The following PCDHA4 variants were observed in gnomAD, a reference collection of about 807,000 sequenced individuals.
PCDHA4 encodes the protein protocadherin alpha-4.
A neutral mutation model predicts 61.4 loss-of-function variants in PCDHA4; 49 were observed. That is an observed-to-expected ratio of 0.80 (90% CI 0.63 to 1.01). The LOEUF is 1.01. Among genes scored for constraint, PCDHA4 ranks in the 50% least tolerant of loss-of-function variants. The pLI is 0.00. For missense variants in PCDHA4, 1,254 were observed against 1,235.8 expected, an observed-to-expected ratio of 1.01 and a Z score of -0.22; for synonymous variants, 590 against 550.3, an observed-to-expected ratio of 1.07 and a Z score of -1.01.
intron 1 of PCDHA4, among the ~76,000 whole-genome samples, chr5:140,947,996 T>G (rs185303145): frequency 1.1e-4 from 14 of 126,854 alleles, no homozygotes; most frequent in Non-Finnish European, 2.3e-4. Flanking sequence ...CCAAATACTT[T>G]ATTAAATTTA....
At chr5:140,867,774 G>A (rs937544863) in intron 1 of PCDHA4, 2 of 151,934 alleles carry the variant, frequency 1.3e-5, no homozygotes, top group African/African-American at 4.8e-5. Flanking sequence ...ACTCTCATAA[G>A]CAATTCCTGT....
intron 1 of PCDHA4, chr5:140,828,757 C>A: frequency 6.2e-7 from 1 of 1,614,234 alleles, no homozygotes; most frequent in Non-Finnish European, 8.5e-7. Flanking sequence ...AACCTGAGCT[C>A]ACAGGCACTG....
intron 1 of PCDHA4, among the ~76,000 whole-genome samples, chr5:140,897,000 T>C (rs2065833068): frequency 6.6e-6 from 1 of 152,180 alleles, no homozygotes; most frequent in Non-Finnish European, 1.5e-5. Context: ...CTTTTAGTTA[T>C]TTTTAAATAT....
At chr5:140,858,274 G>C (rs376781836) in intron 1 of PCDHA4, 1 of 1,597,298 alleles carries the variant, frequency 6.3e-7, no homozygotes, top group African/African-American at 1.3e-5. Flanking sequence ...GCTCTAGCGC[G>C]GTGGGGAGCT....
chr5:140,877,592 T>G, intron 1 of PCDHA4: 1 of 1,613,812 alleles, frequency 6.2e-7, no homozygotes, highest in South Asian at 1.1e-5. Flanking sequence ...ATCTGTGCGG[T>G]GTCCAGCCTG....
intron 1 of PCDHA4, chr5:140,859,924 T>C (rs1554152837): frequency 6.6e-6 from 1 of 151,964 alleles, no homozygotes; most frequent in African/African-American, 2.4e-5. Flanking sequence ...ATAAGTAATA[T>C]AAAAAACTTA....
At chr5:140,826,553 C>A (rs2150080050) in intron 1 of PCDHA4, among the ~76,000 whole-genome samples, 1 of 152,176 alleles carries the variant, frequency 6.6e-6, no homozygotes, top group South Asian at 2.1e-4. Flanking sequence ...TATTTTTCTC[C>A]TTTGAAGGAG....
intron 3 of PCDHA4, among the ~76,000 whole-genome samples, chr5:140,986,222 G>A (rs1554247822): frequency 1.3e-5 from 2 of 152,164 alleles, no homozygotes; most frequent in African/African-American, 4.8e-5. Flanking sequence ...CCTTTCTCTA[G>A]CCTCCCCTCT....
At chr5:140,966,865 G>T (rs1554228807) in intron 1 of PCDHA4, 4 of 1,565,172 alleles carry the variant, frequency 2.6e-6, no homozygotes, top group Non-Finnish European at 1.7e-6. Context: ...TGCTGTTGCT[G>T]CTGCTGCTAC....
intron 1 of PCDHA4, chr5:140,875,534 T>G (rs114654172): frequency 0.025 from 39,957 of 1,614,138 alleles, 601 homozygotes; most frequent in Non-Finnish European, 0.03. Flanking sequence ...CTTCTGCTCC[T>G]TGCAGCCTGG....
At chr5:140,929,013 G>A in intron 1 of PCDHA4, 1 of 1,614,120 alleles carries the variant, frequency 6.2e-7, no homozygotes, top group South Asian at 1.1e-5. Context: ...GTACCAAGTT[G>A]CACCAGAGCC....
At chr5:140,946,097 C>T (rs1452170851) in intron 1 of PCDHA4, among the ~76,000 whole-genome samples, 1 of 151,826 alleles carries the variant, frequency 6.6e-6, no homozygotes, top group Admixed American at 6.6e-5. Context: ...AAGGAGTTAA[C>T]ATACCAAATA....
chr5:140,892,180 T>G (rs1176959692), intron 1 of PCDHA4, among the ~76,000 whole-genome samples: 1 of 152,224 alleles, frequency 6.6e-6, no homozygotes, highest in Non-Finnish European at 1.5e-5. Flanking sequence ...GGGATCCTCA[T>G]GGGTCTATTC....
chr5:140,884,445 C>G, intron 1 of PCDHA4: 1 of 1,613,802 alleles, frequency 6.2e-7, no homozygotes, highest in Non-Finnish European at 8.5e-7. Flanking sequence ...TGCTCGGCAC[C>G]GCCCACCGAG....
rs781892034 is a variant in PCDHA4, at chr5:140,968,314, G to A, written c.2386-10635G>A. ...TTCTGGAGAGGGAGATTCAAGGGCT[G>A]CCAGTCACCTCCTATGTCTCCATTA... On this transcript the variant is annotated intron_variant, in intron 1 of 3. Transcript: ENST00000530339. The A allele has an allele frequency of 2.5e-6, 4 of 1,613,960 alleles. No individual in the cohort carries two copies. The South Asian group carries it at 4.4e-5, about 18-fold the overall frequency.
At chr5:140,852,583 T>C in intron 1 of PCDHA4, 2 of 394,934 alleles carry the variant, frequency 5.1e-6, no homozygotes, top group Non-Finnish European at 6.7e-6. Context: ...GGCTTTTTTA[T>C]TTTTTTTTTT....
chr5:140,930,321 T>C (rs1166503889), intron 1 of PCDHA4: 7 of 152,186 alleles, frequency 4.6e-5, no homozygotes, highest in Non-Finnish European at 1.0e-4. Flanking sequence ...TTGAGAGTAA[T>C]GTATCTAATG....
At chr5:140,881,594 A>G (rs1464236535) in intron 1 of PCDHA4, among the ~76,000 whole-genome samples, 7 of 152,244 alleles carry the variant, frequency 4.6e-5, no homozygotes, top group Admixed American at 6.5e-5. Context: ...AGGGAAATTT[A>G]TTAATATGAT....
At chr5:140,827,829 G>A (rs1007724850) in intron 1 of PCDHA4, 4 of 411,314 alleles carry the variant, frequency 9.7e-6, no homozygotes, top group African/African-American at 8.0e-5. Context: ...TATAAAAGTA[G>A]AGAAAAGAAG....
Sources: allele counts gnomAD v4.1 joint callset (sites outside exome capture counted in the v4.1 genomes callset), GRCh38; gene constraint gnomAD v4.1.1; transcripts MANE v1.5; gene names NCBI Gene and HGNC (gene_info 2026-07-23, HGNC 2026-07-21).